MYT1L: variants seen among roughly 807,000 people sequenced by gnomAD.
MYT1L encodes myelin transcription factor 1 like, also known as myelin transcription factor 1-like protein.
In MYT1L, 12 loss-of-function variants were observed where a neutral mutation model predicts 126.7. The ratio of observed to expected loss-of-function variants is 0.09; its 90% CI spans 0.06 to 0.15. The LOEUF (loss-of-function observed/expected upper bound fraction) is 0.15, where lower values mean the gene tolerates loss of function less well. MYT1L is among the 10% of genes least tolerant of loss of function. The probability of loss-of-function intolerance (pLI) is 1.00; values close to 1 mark genes in which losing one functional copy is unlikely to be tolerated. For synonymous variants in MYT1L, 541 were observed against 604.2 expected, an observed-to-expected ratio of 0.90 and a Z score of 1.53; for missense variants, 979 against 1,585.2, an observed-to-expected ratio of 0.62 and a Z score of 6.49.
rs546669281 is a variant in MYT1L at position 1,796,789 on chromosome 2, T to G, written c.3277-4325A>C. Among the ~76,000 whole-genome samples, 774 of 152,126 alleles carry G rather than the reference T, an allele frequency of 5.1e-3. 6 individuals are homozygous for G. The highest frequency in any genetic ancestry group is 0.014 in the South Asian group (68 of 4,798). On this transcript the variant is annotated intron_variant, in intron 23 of 24. Coordinates refer to ENST00000647738, the MANE Select transcript of MYT1L (RefSeq NM_001303052.2). ...TCCCGTGTCTGCAGGACTCCCGCCG[T>G]CTCTCCTCGGGCTCCTTGCTCCAGG...
intron 3 of MYT1L, among the ~76,000 whole-genome samples, chr2:2,107,720 C>T (rs2078923149): frequency 6.6e-6 from 1 of 151,934 alleles, no homozygotes; most frequent in African/African-American, 2.4e-5. Flanking sequence ...GAATAATGGG[C>T]TGTGTTTAAT....
At chr2:2,062,402 C>T (rs904376879) in intron 3 of MYT1L, among the ~76,000 whole-genome samples, 9 of 152,122 alleles carry the variant, frequency 5.9e-5, no homozygotes, top group African/African-American at 1.7e-4. Context: ...GGGAGCCGTC[C>T]GTGTCCTCCC....
At chr2:1,827,530 G>C (rs1019792336) in intron 21 of MYT1L, 1 of 152,250 alleles carries the variant, frequency 6.6e-6, no homozygotes, top group African/African-American at 2.4e-5. Context: ...CATCCAGGGA[G>C]CGCCAGGAGA....
rs893621387 is a variant in MYT1L, at chr2:2,224,139, C to A, written c.-420-51151G>T. ...AGGACAAGCCTGTCTGAGGGCATAA[C>A]CCCACTTCCAGTGAGCCTTTGGTCA... On this transcript the variant is annotated intron_variant, in intron 2 of 24. Coordinates refer to ENST00000647738, the MANE Select transcript of MYT1L (RefSeq NM_001303052.2). This position sits in a 1 kb window ranked among gnomAD's most constrained non-coding sequence, Gnocchi z 4.0. Among the ~76,000 whole-genome samples the A allele has an allele frequency of 6.6e-6, 1 of 152,166 alleles. No individual in the cohort carries two copies. The highest frequency in any genetic ancestry group is 6.5e-5 in the Admixed American group (1 of 15,282).
chr2:2,200,259 G>A (rs763963436), intron 2 of MYT1L, among the ~76,000 whole-genome samples: 3 of 152,260 alleles, frequency 2.0e-5, no homozygotes, highest in South Asian at 4.1e-4. Context: ...TTAATGCAAC[G>A]TTATTCCTAC....
chr2:1,796,174 C>T (rs536087197), intron 23 of MYT1L, among the ~76,000 whole-genome samples: 1 of 152,364 alleles, frequency 6.6e-6, no homozygotes, highest in South Asian at 2.1e-4. Flanking sequence ...TGCAACACAG[C>T]TGCGTGGTCC....
At chr2:2,287,090 C>G (rs1300129570) in intron 1 of MYT1L, among the ~76,000 whole-genome samples, 1 of 152,060 alleles carries the variant, frequency 6.6e-6, no homozygotes, top group Non-Finnish European at 1.5e-5. Context: ...AACCCGGTCT[C>G]TACTAAAAAT....
chr2:2,060,715 TCC>T (rs139159352), intron 3 of MYT1L, among the ~76,000 whole-genome samples: 2,621 of 99,892 alleles, frequency 0.026, 105 homozygotes, highest in African/African-American at 0.092. Flanking sequence ...TTCCCTTCCC[TCC>T]CCCCTCCCTT....
In MYT1L at chr2:2,095,961, A is replaced by T. The variant is rs571381907; in HGVS notation, c.-303-41838T>A. The stretch of plus-strand genomic sequence containing the variant: ...ATGCCGCTGAGGAGGAGCCCTGGTG[A>T]ACGTGGACACGCGTGGGATGTTCAT... On this transcript the variant is annotated intron_variant, in intron 3 of 24. Transcript: ENST00000647738. Among the ~76,000 whole-genome samples, 45 of 152,056 alleles carry T rather than the reference A, an allele frequency of 3.0e-4. No homozygotes were observed. In the South Asian group the frequency reaches 9.4e-3, roughly 32 times the overall value.
chr2:2,320,478 G>GAAA (rs111423007), intron 1 of MYT1L, among the ~76,000 whole-genome samples: 3,337 of 130,954 alleles, frequency 0.025, 73 homozygotes, highest in South Asian at 0.11. Flanking sequence ...CTAAGTCCTA[G>GAAA]AAAAAAAAAA....
chr2:2,199,722 G>A (rs749588705), intron 2 of MYT1L, among the ~76,000 whole-genome samples: 9 of 152,126 alleles, frequency 5.9e-5, no homozygotes, highest in Non-Finnish European at 1.2e-4. Flanking sequence ...TGAATTCTCT[G>A]GCCCAGCTAC....
chr2:2,065,024 G>C (rs1298762971), intron 3 of MYT1L, among the ~76,000 whole-genome samples: 2 of 151,940 alleles, frequency 1.3e-5, no homozygotes, highest in South Asian at 2.1e-4. Context: ...CATAGGGAGA[G>C]GCCATCTCTA....
intron 2 of MYT1L, among the ~76,000 whole-genome samples, chr2:2,181,209 T>C (rs538621189): frequency 2.0e-5 from 3 of 149,234 alleles, no homozygotes; most frequent in Non-Finnish European, 4.4e-5. Context: ...GCCGTGTACC[T>C]GTGTTTGTGC....
chr2:2,288,580 G>T (rs1215533235), intron 1 of MYT1L, among the ~76,000 whole-genome samples: 1 of 152,144 alleles, frequency 6.6e-6, no homozygotes, highest in East Asian at 1.9e-4. Flanking sequence ...ATTATGTATT[G>T]ATTGCTTGTT....
At chr2:2,088,388 C>G (rs1259121512) in intron 3 of MYT1L, among the ~76,000 whole-genome samples, 1 of 152,198 alleles carries the variant, frequency 6.6e-6, no homozygotes, top group Non-Finnish European at 1.5e-5. Context: ...TCTCAAGAGA[C>G]AGTGTTCTAT....
intron 9 of MYT1L, among the ~76,000 whole-genome samples, chr2:1,928,160 C>T (rs754611280): frequency 3.3e-5 from 5 of 152,134 alleles, no homozygotes. Context: ...ACTGTGTTGC[C>T]CAGGCTCGTC....
At chr2:1,961,014 T>C (rs1355206328) in intron 8 of MYT1L, among the ~76,000 whole-genome samples, 1 of 152,214 alleles carries the variant, frequency 6.6e-6, no homozygotes, top group African/African-American at 2.4e-5. Flanking sequence ...ACACTGTTTC[T>C]GAAAGAGAGC....
rs1429891472 is a variant in MYT1L, at chr2:1,910,145, C to T, written c.1817+95G>A. The T allele has an allele frequency of 6.1e-6, 7 of 1,144,908 alleles. No homozygotes were observed. The highest frequency in any genetic ancestry group is 3.9e-5 in the Admixed American group (2 of 51,276). 70.9% of individuals were successfully genotyped at this position (1,144,908 alleles called of 1,614,324 possible). On this transcript the variant is annotated intron_variant, in intron 13 of 24. Coordinates refer to ENST00000647738, the MANE Select transcript of MYT1L (RefSeq NM_001303052.2). This position sits in a 1 kb window ranked among gnomAD's most constrained non-coding sequence, Gnocchi z 4.8. ...CGCCCTCCAGTCCCTGCCCCTGCTGCTGTAGGGACATGCCCTGAGCGGGTG... is the reference window on the plus strand; with the variant it reads ...CGCCCTCCAGTCCCTGCCCCTGCTGTTGTAGGGACATGCCCTGAGCGGGTG...
At chr2:2,265,394 G>A (rs904360845) in intron 2 of MYT1L, among the ~76,000 whole-genome samples, 1 of 151,758 alleles carries the variant, frequency 6.6e-6, no homozygotes, top group Non-Finnish European at 1.5e-5. Context: ...GATTATGTAA[G>A]TGAAACAGTT....
Sources: allele counts gnomAD v4.1 joint callset (sites outside exome capture counted in the v4.1 genomes callset), GRCh38; gene constraint gnomAD v4.1.1; non-coding constraint Gnocchi (gnomAD v3.1); transcripts MANE v1.5; gene names NCBI Gene and HGNC (gene_info 2026-07-23, HGNC 2026-07-21).